The following HAUS8 variants were observed in gnomAD, a reference collection of about 807,000 sequenced individuals.
HAUS8 encodes the protein HAUS augmin like complex subunit 8, also known as HAUS augmin-like complex subunit 8.
In HAUS8, 38 loss-of-function variants were observed where a neutral mutation model predicts 42.9. The ratio of observed to expected loss-of-function variants is 0.89; its 90% CI spans 0.68 to 1.16. The LOEUF (loss-of-function observed/expected upper bound fraction) is 1.16. Among genes scored for constraint, HAUS8 ranks in the 50% most tolerant of loss-of-function variants. The pLI is 0.00. For synonymous variants in HAUS8, 199 were observed against 205.8 expected (o/e 0.97, Z 0.28); for missense variants, 494 against 511.6 (o/e 0.97, Z 0.33).
At chr19:17,075,219 G>C in intron 1 of HAUS8, 175 bp downstream of exon 1, 2 of 692,972 alleles carry the variant, frequency 2.9e-6, no homozygotes, top group South Asian at 3.4e-5. Context: ...TCGGGTGTCA[G>C]CGCTCCGGAG....
intron 9 of HAUS8, among the ~76,000 whole-genome samples, chr19:17,054,370 C>T (rs2057306938): frequency 6.6e-6 from 1 of 152,018 alleles, no homozygotes; most frequent in South Asian, 2.1e-4. Context: ...ATCAGAAACC[C>T]GGCCGGGCAG....
At position 17,069,096 on chromosome 19, in the gene HAUS8, C is replaced by G. The variant is rs774627024; in HGVS notation, c.92-10G>C. 4 of 1,611,976 alleles carry G rather than the reference C, an allele frequency of 2.5e-6. No individual in the cohort carries two copies. Among genetic ancestry groups the G allele is most frequent in the Non-Finnish European group, 3.4e-6 (4 of 1,178,758 alleles). On this transcript the variant is annotated splice_polypyrimidine_tract_variant and intron_variant, in intron 2 of 10. Transcript: ENST00000253669. ...TCAATCACTCTTCCACCTGTGGGGA[C>G]ACACTGTTGGTGCACAACAAAACTA...
At position 17,055,277 on chromosome 19, in the gene HAUS8, T is replaced by C. The variant is rs375782353; in HGVS notation, c.787+584A>G. On this transcript the variant is annotated intron_variant, in intron 9 of 10. Transcript: ENST00000253669. ...ATCACTTAAACCCAGGAAGCAGAGG[T>C]TGCAGTGAGCTGAGATTGTGCCACT... Among the ~76,000 whole-genome samples the C allele has an allele frequency of 3.1e-3, 364 of 117,520 alleles. 1 individual carries two copies. The highest frequency in any genetic ancestry group is 0.012 in the African/African-American group (344 of 29,326). The allele number at this position is 117,520 out of a possible 152,430, so 77.1% of individuals were successfully genotyped here.
At chr19:17,074,691 G>A (rs1055548415) in intron 1 of HAUS8, 1 of 152,382 alleles carries the variant, frequency 6.6e-6, no homozygotes, top group Admixed American at 6.5e-5. Flanking sequence ...CCTGTACCTG[G>A]GAGGTGCTAC....
intron 2 of HAUS8, among the ~76,000 whole-genome samples, chr19:17,070,477 T>C (rs547966658): frequency 3.6e-4 from 55 of 152,240 alleles, no homozygotes; most frequent in East Asian, 1.2e-3. Flanking sequence ...CCTTATCACT[T>C]TGTCACCTCT....
intron 9 of HAUS8, among the ~76,000 whole-genome samples, chr19:17,054,175 A>T (rs535305148): frequency 2.0e-5 from 3 of 151,764 alleles, no homozygotes; most frequent in African/African-American, 7.3e-5. Flanking sequence ...TGAAATCAAG[A>T]CTCCCAGAAC....
Position 17,049,904 on chromosome 19 carries a change from G to C in HAUS8, c.1202C>G (p.Ser401Cys), listed in dbSNP as rs2057275471. ...SSSSQAEVPP[S>C]LSRSGRDLS ...CAAGTCCCTCCCTGAACGAGAGAGAGAGGGCGGGACTTCTGCCTGGCTGCT... is the reference window on the plus strand; with the variant it reads ...CAAGTCCCTCCCTGAACGAGAGAGACAGGGCGGGACTTCTGCCTGGCTGCT... Residue 401 changes from serine (S) to cysteine (C), a missense_variant, in exon 11 of 11, where the codon TCT becomes TGT. Coordinates refer to ENST00000253669, the MANE Select transcript of HAUS8 (RefSeq NM_033417.2). The C allele has an allele frequency of 6.6e-7, 1 of 1,509,354 alleles. No individual in the cohort carries two copies. Among genetic ancestry groups the C allele is most frequent in the Non-Finnish European group, 8.9e-7 (1 of 1,128,256 alleles). The allele number at this position is 1,509,354 out of a possible 1,614,324, so 93.5% of individuals were successfully genotyped here. A position where few individuals can be genotyped will look rare whatever the true frequency, so the allele number is the denominator to read the frequency against.
chr19:17,056,617 A>C (rs1181900502), intron 8 of HAUS8, among the ~76,000 whole-genome samples: 1 of 152,066 alleles, frequency 6.6e-6, no homozygotes, highest in Non-Finnish European at 1.5e-5. Flanking sequence ...TTTAGATGGA[A>C]TCTTGCTCTG....
intron 9 of HAUS8, among the ~76,000 whole-genome samples, chr19:17,054,856 T>C (rs2057310031): frequency 1.3e-5 from 2 of 151,720 alleles, no homozygotes; most frequent in South Asian, 2.1e-4. Context: ...GGGAGGCTAC[T>C]ACTCAGGAAG....
At chr19:17,074,841 T>C (rs950429192) in intron 1 of HAUS8, 6 of 153,378 alleles carry the variant, frequency 3.9e-5, no homozygotes, top group African/African-American at 1.4e-4. Flanking sequence ...CATTCATGCC[T>C]AGCTCTCGGT....
intron 4 of HAUS8, among the ~76,000 whole-genome samples, chr19:17,061,124 G>A (rs1382330020): frequency 1.1e-5 from 1 of 94,714 alleles, no homozygotes; most frequent in East Asian, 2.9e-4. Flanking sequence ...GTGAGGAGGT[G>A]GAAATTTTCT....
In HAUS8 at chr19:17,069,220, CT is replaced by C. The variant is rs2057406581; in HGVS notation, c.92-135del. ...GTGACCAGAACAGAGGAGGTCACCACTCCTCCTGCTCGCCTCTGATCACGTC... is the reference window on the plus strand; with the variant it reads ...GTGACCAGAACAGAGGAGGTCACCACCCTCCTGCTCGCCTCTGATCACGTC... On this transcript the variant is annotated intron_variant, in intron 2 of 10. Transcript: ENST00000253669. 11 of 747,260 alleles carry C rather than the reference CT, an allele frequency of 1.5e-5. No homozygotes were observed. The South Asian group carries it at 1.5e-4, about 10-fold the overall frequency. The allele number at this position is 747,260 out of a possible 1,614,324, so 46.3% of individuals were successfully genotyped here.
intron 2 of HAUS8, among the ~76,000 whole-genome samples, chr19:17,072,755 G>A (rs1036530930): frequency 1.4e-4 from 21 of 151,906 alleles, no homozygotes; most frequent in African/African-American, 3.9e-4. Flanking sequence ...ATCCCAGACC[G>A]ATAGGTGGAA....
rs754171134 is a variant in HAUS8 at position 17,060,083 on chromosome 19, C to T, written c.239G>A (p.Ser80Asn). The T allele has an allele frequency of 6.8e-6, 11 of 1,609,098 alleles. No homozygotes were observed. The highest frequency in any genetic ancestry group is 1.1e-5 in the South Asian group (1 of 90,932). The change falls in exon 5 of 11, where the codon AGT becomes AAT. Residue 80 changes from serine to asparagine, a missense_variant. By Grantham distance (46) the Ser-to-Asn change is conservative. Transcript: ENST00000253669. ...SLLQKSKADSSGVGKGDLQST... is the reference protein window; with the variant it reads ...SLLQKSKADSNGVGKGDLQST... Reference sequence around the variant, plus strand: ...CTGCAGGTCACCCTTTCCGACCCCACTGCTATCTGCTGTTAAGAAAAGAAT... The same window carrying T: ...CTGCAGGTCACCCTTTCCGACCCCATTGCTATCTGCTGTTAAGAAAAGAAT...
chr19:17,055,308 C>T (rs1241945253), intron 9 of HAUS8, among the ~76,000 whole-genome samples: 1 of 127,424 alleles, frequency 7.8e-6, no homozygotes, highest in African/African-American at 3.1e-5. Context: ...CCACTGCACT[C>T]CAGCCTGGGC....
At chr19:17,067,412 G>C (rs2057393533) in intron 3 of HAUS8, among the ~76,000 whole-genome samples, 1 of 152,092 alleles carries the variant, frequency 6.6e-6, no homozygotes. Context: ...GGTCCTATCA[G>C]AGCACAAGGG....
intron 9 of HAUS8, chr19:17,053,694 G>C (rs2057302514): frequency 7.4e-6 from 1 of 135,878 alleles, no homozygotes; most frequent in South Asian, 2.3e-4. Context: ...ACAGAGTCTT[G>C]CTCTGTCACC....
intron 4 of HAUS8, among the ~76,000 whole-genome samples, chr19:17,062,155 C>T (rs2057364694): frequency 6.6e-6 from 1 of 152,188 alleles, no homozygotes; most frequent in South Asian, 2.1e-4. Context: ...GTGTCTCACT[C>T]GGTTGCCCAG....
chr19:17,066,909 A>G (rs890778089), intron 3 of HAUS8, among the ~76,000 whole-genome samples: 2 of 152,228 alleles, frequency 1.3e-5, no homozygotes, highest in Non-Finnish European at 2.9e-5. Flanking sequence ...CTATTCGGCC[A>G]TAAGAAGGAA....
Sources: gnomAD v4.1 joint callset for allele counts (sites outside exome capture counted in the v4.1 genomes callset) on GRCh38, gnomAD v4.1.1 for gene constraint, MANE v1.5 for transcripts, NCBI Gene and HGNC (gene_info 2026-07-23, HGNC 2026-07-21) for gene names.